Variants in LRRN1 observed in about 807,000 individuals in gnomAD.
The protein encoded by LRRN1 is leucine rich repeat neuronal 1.
A neutral mutation model predicts 45.8 loss-of-function variants in LRRN1; 14 were observed. That is an observed-to-expected ratio of 0.31 (90% CI 0.20 to 0.48). LRRN1 has a LOEUF of 0.48. LRRN1 is among the 20% of genes least tolerant of loss of function. The pLI is 0.99. For missense variants in LRRN1, 789 were observed against 874.2 expected (o/e 0.90, Z 1.23); for synonymous variants, 359 against 330.1 (o/e 1.09, Z -0.95).
intron 1 of LRRN1, among the ~76,000 whole-genome samples, chr3:3,822,261 A>G (rs1003394758): frequency 6.6e-6 from 1 of 152,234 alleles, no homozygotes; most frequent in African/African-American, 2.4e-5. Context: ...AGAGCTTAAT[A>G]AGAACTAACT....
intron 1 of LRRN1, among the ~76,000 whole-genome samples, chr3:3,804,744 G>T (rs1406163645): frequency 6.6e-6 from 1 of 151,984 alleles, no homozygotes; most frequent in African/African-American, 2.4e-5. Flanking sequence ...GTATGAAACA[G>T]ACACACTGGT....
Position 3,846,081 on chromosome 3 carries a change from C to T in LRRN1, c.1440C>T (p.Ser480=), listed in dbSNP as rs779162775. ...TTTCAGATAAATACAAGCTAAGTAG[C>T]GAAGGTACCTTGGAAATATCTAACA... ...ETLSDKYKLS[S]EGTLEISNIQ... The change falls in exon 2 of 2, where the codon AGC becomes AGT. Residue 480 remains serine, a synonymous_variant. Coordinates refer to ENST00000319331, the MANE Select transcript of LRRN1 (RefSeq NM_020873.7). The surrounding 1 kb of genome is among the most constrained non-coding windows in gnomAD (Gnocchi z 5.7). The T allele has an allele frequency of 8.1e-6, 13 of 1,613,866 alleles. No homozygotes were observed. The highest frequency in any genetic ancestry group is 2.2e-5 in the East Asian group (1 of 44,886).
chr3:3,830,507 G>C (rs1693343957), intron 1 of LRRN1, among the ~76,000 whole-genome samples: 1 of 152,228 alleles, frequency 6.6e-6, no homozygotes, highest in Non-Finnish European at 1.5e-5. Flanking sequence ...TGCTGCAGCT[G>C]TCCATTTTCA....
rs773896522 is a variant in LRRN1, at chr3:3,845,726, A to G, written c.1085A>G (p.Asn362Ser). ...CAAAAGACAGTCGAATCCCTCCCCA[A>G]TCTGCGTGAGATCAGTATCCATAGC... ...IYQKTVESLP[N>S]LREISIHSNP... Residue 362 changes from asparagine (N) to serine (S), a missense_variant, in exon 2 of 2, where the codon AAT (asparagine) becomes AGT (serine). By Grantham distance (46) the Asn-to-Ser change is conservative. Coordinates refer to ENST00000319331, the MANE Select transcript of LRRN1 (RefSeq NM_020873.7). This position sits in a 1 kb window ranked among gnomAD's most constrained non-coding sequence, Gnocchi z 6.5. 40 of 1,613,980 alleles carry G rather than the reference A, an allele frequency of 2.5e-5. No individual in the cohort carries two copies. The highest frequency in any genetic ancestry group is 1.6e-4 in the Middle Eastern group (1 of 6,062).
At chr3:3,807,242 G>T (rs1266933415) in intron 1 of LRRN1, among the ~76,000 whole-genome samples, 1 of 152,204 alleles carries the variant, frequency 6.6e-6, no homozygotes, top group Non-Finnish European at 1.5e-5. Flanking sequence ...GGGAAGAAAG[G>T]TTCATAGGAG....
At chr3:3,829,536 G>C (rs1282582990) in intron 1 of LRRN1, among the ~76,000 whole-genome samples, 1 of 152,192 alleles carries the variant, frequency 6.6e-6, no homozygotes, top group African/African-American at 2.4e-5. Context: ...AGCATACACA[G>C]CCTTCTGGAG....
chr3:3,818,162 A>C (rs1457020730), intron 1 of LRRN1, among the ~76,000 whole-genome samples: 1 of 152,248 alleles, frequency 6.6e-6, no homozygotes, highest in Non-Finnish European at 1.5e-5. Context: ...ATACTGTGAA[A>C]GACTTAAACA....
At chr3:3,826,127 G>A (rs1693209695) in intron 1 of LRRN1, among the ~76,000 whole-genome samples, 1 of 152,022 alleles carries the variant, frequency 6.6e-6, no homozygotes, top group South Asian at 2.1e-4. Flanking sequence ...CACCTACCTG[G>A]CCCTAGAAAG....
At chr3:3,810,633 GGA>G (rs1173939910) in intron 1 of LRRN1, among the ~76,000 whole-genome samples, 1 of 152,176 alleles carries the variant, frequency 6.6e-6, no homozygotes, top group Admixed American at 6.5e-5. Flanking sequence ...CCTGAACCCA[GGA>G]GATTCAGGCT....
chr3:3,846,924 G>T lies in LRRN1; in HGVS notation c.*132G>T. The T allele has an allele frequency of 6.9e-6, 5 of 728,408 alleles. No individual in the cohort carries two copies. Among genetic ancestry groups the T allele is most frequent in the African/African-American group, 1.8e-5 (1 of 55,840 alleles). The allele number at this position is 728,408 out of a possible 1,614,324, so 45.1% of individuals were successfully genotyped here. On this transcript the variant is annotated 3_prime_UTR_variant, in exon 2 of 2. Transcript: ENST00000319331. This position sits in a 1 kb window ranked among gnomAD's most constrained non-coding sequence, Gnocchi z 5.7. ...TGTGGCAGAGTGGAGAGGACGGGTG[G>T]ATATTTCAAATTTTTTTAGTATAGC...
At chr3:3,835,584 ATTTTTTT>A (rs59300921) in intron 1 of LRRN1, among the ~76,000 whole-genome samples, 1 of 135,260 alleles carries the variant, frequency 7.4e-6, no homozygotes, top group Non-Finnish European at 1.6e-5. Flanking sequence ...GAGCTGCCTG[ATTTTTTT>A]TTTTTTTTTT....
chr3:3,848,012 G>A lies in LRRN1; in HGVS notation c.*1220G>A, dbSNP rs1342813320. Among the ~76,000 whole-genome samples, 2 of 152,104 alleles carry A rather than the reference G, an allele frequency of 1.3e-5. No homozygotes were observed. The highest frequency in any genetic ancestry group is 4.8e-5 in the African/African-American group (2 of 41,418). ...ATATATATATGAATATATTGGATAT[G>A]TCATTTCTGTAAGAGTTTTGTTAAA... On this transcript the variant is annotated 3_prime_UTR_variant, in exon 2 of 2. Transcript: ENST00000319331.
chr3:3,841,145 A>G (rs932272688), intron 1 of LRRN1, among the ~76,000 whole-genome samples: 5 of 152,128 alleles, frequency 3.3e-5, no homozygotes, highest in African/African-American at 1.2e-4. Flanking sequence ...TGAAAATACA[A>G]TTAGGTGTGG....
intron 1 of LRRN1, among the ~76,000 whole-genome samples, chr3:3,821,105 C>T (rs899346504): frequency 6.6e-6 from 1 of 152,194 alleles, no homozygotes; most frequent in Non-Finnish European, 1.5e-5. Context: ...TCAAAATCTC[C>T]ATGAGGCATG....
intron 1 of LRRN1, among the ~76,000 whole-genome samples, chr3:3,806,660 C>A (rs563766461): frequency 6.6e-6 from 1 of 152,324 alleles, no homozygotes; most frequent in East Asian, 1.9e-4. Flanking sequence ...GAAGATGCAG[C>A]TGAGTTGACA....
intron 1 of LRRN1, among the ~76,000 whole-genome samples, chr3:3,831,171 G>C (rs941951228): frequency 6.6e-6 from 1 of 152,190 alleles, no homozygotes; most frequent in Non-Finnish European, 1.5e-5. Flanking sequence ...AAATGGGCCG[G>C]AGTAACACAC....
At chr3:3,805,598 C>G (rs901914680) in intron 1 of LRRN1, among the ~76,000 whole-genome samples, 5 of 152,142 alleles carry the variant, frequency 3.3e-5, no homozygotes, top group Non-Finnish European at 7.3e-5. Flanking sequence ...GATTTCTGCC[C>G]CAAGAGCTAG....
Position 3,837,235 on chromosome 3 carries a change from A to G in LRRN1, c.-278-7129A>G, listed in dbSNP as rs192047550. ...AAACTTGACTTTCCATGCAGTATCA[A>G]GCAAGGTTACTTTGTAAACAAACAA... On this transcript the variant is annotated intron_variant, in intron 1 of 1. Coordinates refer to ENST00000319331, the MANE Select transcript of LRRN1 (RefSeq NM_020873.7). Among the ~76,000 whole-genome samples the G allele has an allele frequency of 2.8e-4, 43 of 152,342 alleles. 1 individual carries two copies. The highest frequency in any genetic ancestry group is 2.1e-3 in the South Asian group (10 of 4,830).
At chr3:3,834,066 A>C in intron 1 of LRRN1, among the ~76,000 whole-genome samples, 1 of 152,048 alleles carries the variant, frequency 6.6e-6, no homozygotes, top group South Asian at 2.1e-4. Flanking sequence ...CAAGACTCTC[A>C]CTCAGGGTAA....
Sources: gnomAD v4.1 joint callset for allele counts (sites outside exome capture counted in the v4.1 genomes callset) on GRCh38, gnomAD v4.1.1 for gene constraint, Gnocchi (gnomAD v3.1) non-coding constraint, MANE v1.5 for transcripts, NCBI Gene and HGNC (gene_info 2026-07-23, HGNC 2026-07-21) for gene names.